MSRA: variants seen among roughly 807,000 people sequenced by gnomAD.
MSRA encodes the protein methionine sulfoxide reductase A.
A neutral mutation model predicts 31.3 loss-of-function variants in MSRA; 54 were observed. The ratio of observed to expected loss-of-function variants is 1.73; its 90% CI spans 1.39 to 2.17. The LOEUF (loss-of-function observed/expected upper bound fraction) is 2.17, where lower values mean the gene tolerates loss of function less well. MSRA is among the 30% of genes most tolerant of loss of function. The pLI is 0.00. For synonymous variants in MSRA, 169 were observed against 116.5 expected (o/e 1.45, Z -2.90); for missense variants, 507 against 300.9 (o/e 1.69, Z -5.07).
intron 5 of MSRA, among the ~76,000 whole-genome samples, chr8:10,359,778 C>T (rs773748785): frequency 6.6e-6 from 1 of 152,190 alleles, no homozygotes; most frequent in African/African-American, 2.4e-5. Flanking sequence ...AGGACGGTCT[C>T]AGACAGAGGC....
intron 1 of MSRA, among the ~76,000 whole-genome samples, chr8:10,075,040 G>C (rs1472266287): frequency 1.3e-5 from 2 of 152,128 alleles, no homozygotes; most frequent in African/African-American, 4.8e-5. Flanking sequence ...CTTAGGAATT[G>C]CTAGCATTTA....
rs117831990 is a variant in MSRA, at chr8:10,187,187, G to T, written c.143-20646G>T. Among the ~76,000 whole-genome samples, 1,284 of 152,284 alleles carry T rather than the reference G, an allele frequency of 8.4e-3. 10 individuals are homozygous for T. The highest frequency in any genetic ancestry group is 0.013 in the Non-Finnish European group (857 of 68,016). Reference sequence around the variant, plus strand: ...AATGGTACGACCAGCCGCTGATTGAGCCCCCTTTGACATTTGGTCTCCACA... The same window carrying T: ...AATGGTACGACCAGCCGCTGATTGATCCCCCTTTGACATTTGGTCTCCACA... On this transcript the variant is annotated intron_variant, in intron 1 of 5. Transcript: ENST00000317173.
At chr8:10,281,272 TACTC>T (rs1799609106) in intron 3 of MSRA, among the ~76,000 whole-genome samples, 1 of 152,244 alleles carries the variant, frequency 6.6e-6, no homozygotes, top group South Asian at 2.1e-4. Context: ...TGCTGATTCT[TACTC>T]TCTCTCACCT....
At chr8:10,193,866 G>T (rs541381395) in intron 1 of MSRA, among the ~76,000 whole-genome samples, 1 of 152,036 alleles carries the variant, frequency 6.6e-6, no homozygotes, top group Non-Finnish European at 1.5e-5. Context: ...TCTCTAGTAA[G>T]GGCAGGATTT....
chr8:10,192,343 G>A (rs576679081), intron 1 of MSRA, among the ~76,000 whole-genome samples: 22 of 152,320 alleles, frequency 1.4e-4, no homozygotes, highest in African/African-American at 5.1e-4. Context: ...AGTTCACTGA[G>A]CCTTTCCAAC....
At chr8:10,058,306 A>G (rs2128910745) in intron 1 of MSRA, among the ~76,000 whole-genome samples, 1 of 152,350 alleles carries the variant, frequency 6.6e-6, no homozygotes, top group African/African-American at 2.4e-5. Flanking sequence ...AGTCTCAAGA[A>G]AAAGATGAAA....
intron 1 of MSRA, among the ~76,000 whole-genome samples, chr8:10,157,788 C>G (rs774731200): frequency 1.3e-5 from 2 of 151,934 alleles, no homozygotes; most frequent in Non-Finnish European, 2.9e-5. Context: ...CTTCTTCTTT[C>G]TCTCTCTCCC....
chr8:10,372,911 C>A (rs754232916), intron 5 of MSRA, among the ~76,000 whole-genome samples: 1 of 152,202 alleles, frequency 6.6e-6, no homozygotes, highest in Non-Finnish European at 1.5e-5. Flanking sequence ...TTATTTGAGG[C>A]GGAATCTTGC....
chr8:10,330,208 C>CAT (rs1033465777), intron 5 of MSRA, among the ~76,000 whole-genome samples: 2 of 150,904 alleles, frequency 1.3e-5, no homozygotes, highest in African/African-American at 4.9e-5. Flanking sequence ...ATGTGATATA[C>CAT]ACACACACAC....
chr8:10,326,494 G>A (rs1051974904), intron 5 of MSRA: 4 of 152,218 alleles, frequency 2.6e-5, no homozygotes, highest in Non-Finnish European at 5.9e-5. Flanking sequence ...ACTTAAGGAG[G>A]AGGATGGAGT....
intron 1 of MSRA, among the ~76,000 whole-genome samples, chr8:10,065,462 A>G (rs1797410504): frequency 6.6e-6 from 1 of 152,210 alleles, no homozygotes; most frequent in Non-Finnish European, 1.5e-5. Context: ...GGCAAGAATT[A>G]TTTTCTGGTG....
chr8:10,388,358 A>G (rs888182554), intron 5 of MSRA, among the ~76,000 whole-genome samples: 1 of 152,142 alleles, frequency 6.6e-6, no homozygotes, highest in Non-Finnish European at 1.5e-5. Flanking sequence ...AGAGAGGGAG[A>G]TGCTCTTAGA....
chr8:10,347,562 C>G (rs1803859948), intron 5 of MSRA, among the ~76,000 whole-genome samples: 1 of 152,210 alleles, frequency 6.6e-6, no homozygotes, highest in African/African-American at 2.4e-5. Context: ...CTGGTTTGGA[C>G]TCTGACCTCA....
intron 3 of MSRA, among the ~76,000 whole-genome samples, chr8:10,265,720 C>T (rs1268507933): frequency 6.6e-6 from 1 of 152,174 alleles, no homozygotes; most frequent in East Asian, 1.9e-4. Flanking sequence ...ATCCATTCCC[C>T]AAAAAAAGTT....
intron 5 of MSRA, among the ~76,000 whole-genome samples, chr8:10,335,106 G>A (rs1451981728): frequency 1.3e-5 from 2 of 152,190 alleles, no homozygotes; most frequent in African/African-American, 2.4e-5. Context: ...CCCCCGCACC[G>A]TGCGCCCCAC....
chr8:10,366,265 G>A (rs1029007688), intron 5 of MSRA, among the ~76,000 whole-genome samples: 1 of 152,234 alleles, frequency 6.6e-6, no homozygotes, highest in Non-Finnish European at 1.5e-5. Flanking sequence ...GTGAAGTTAT[G>A]AGTGGGCAGA....
At chr8:10,122,135 A>AG (rs1191588017) in intron 1 of MSRA, among the ~76,000 whole-genome samples, 1 of 152,122 alleles carries the variant, frequency 6.6e-6, no homozygotes, top group Non-Finnish European at 1.5e-5. Context: ...AGAGCTACCC[A>AG]GCATGCTGCT....
intron 3 of MSRA, among the ~76,000 whole-genome samples, chr8:10,262,676 T>C (rs1417234303): frequency 6.6e-6 from 1 of 152,152 alleles, no homozygotes; most frequent in Non-Finnish European, 1.5e-5. Context: ...CTCTGAAAAA[T>C]TTCTTTCCCC....
At chr8:10,137,151 A>G (rs1430687696) in intron 1 of MSRA, among the ~76,000 whole-genome samples, 1 of 152,186 alleles carries the variant, frequency 6.6e-6, no homozygotes, top group Non-Finnish European at 1.5e-5. Context: ...TGCTGGGACG[A>G]TGGGTGGCTC....
Sources: allele counts gnomAD v4.1 joint callset (sites outside exome capture counted in the v4.1 genomes callset), GRCh38; gene constraint gnomAD v4.1.1; transcripts MANE v1.5; gene names NCBI Gene and HGNC (gene_info 2026-07-23, HGNC 2026-07-21).